Variants in AZIN2 observed in about 807,000 individuals in gnomAD.
The protein encoded by AZIN2 is ODC antizyme inhibitor-2.
A neutral mutation model predicts 47.8 loss-of-function variants in AZIN2; 28 were observed. The observed-to-expected ratio is 0.59, with a 90% confidence interval of 0.43 to 0.80. The LOEUF is 0.80. Ranked by LOEUF, AZIN2 falls within the 30% of genes least tolerant of loss-of-function variation. AZIN2 has a pLI of 0.00. For missense variants in AZIN2, 535 were observed against 582.5 expected, an observed-to-expected ratio of 0.92 and a Z score of 0.84; for synonymous variants, 221 against 239.4, an observed-to-expected ratio of 0.92 and a Z score of 0.71.
downstream of AZIN2, among the ~76,000 whole-genome samples, chr1:33,126,599 A>G (rs867316207): frequency 1.3e-4 from 20 of 152,124 alleles, no homozygotes; most frequent in African/African-American, 4.8e-4. Context: ...ATCCTGCACT[A>G]GGAAGACCAT....
At chr1:33,141,366 T>A in the AZIN2 span, among the ~76,000 whole-genome samples, 3 of 152,188 alleles carry the variant, frequency 2.0e-5, no homozygotes, top group Non-Finnish European at 4.4e-5. Flanking sequence ...CCCTCCCCTA[T>A]GTGCTGACTG....
the AZIN2 span, chr1:33,163,382 G>A: frequency 6.6e-6 from 1 of 151,836 alleles, no homozygotes; most frequent in Non-Finnish European, 1.5e-5. Flanking sequence ...ACTACTTATT[G>A]TGTGCCAGAC....
the AZIN2 span, chr1:33,147,055 T>G: frequency 9.6e-7 from 1 of 1,036,846 alleles, no homozygotes; most frequent in Admixed American, 2.5e-5. This position sits in a 1 kb window ranked among gnomAD's most constrained non-coding sequence, Gnocchi z 8.1. Flanking sequence ...GGCTGGAGGG[T>G]AAACAACTGG....
chr1:33,147,927 A>G, the AZIN2 span, among the ~76,000 whole-genome samples: 1 of 152,170 alleles, frequency 6.6e-6, no homozygotes, highest in Non-Finnish European at 1.5e-5. The surrounding 1 kb of genome is among the most constrained non-coding windows in gnomAD (Gnocchi z 8.1). Context: ...AGGTCCTTCC[A>G]GATATTGTCT....
the AZIN2 span, chr1:33,165,259 G>A: frequency 1.7e-5 from 8 of 480,298 alleles, no homozygotes; most frequent in African/African-American, 8.0e-5. This position sits in a 1 kb window ranked among gnomAD's most constrained non-coding sequence, Gnocchi z 4.0. Context: ...CATCCTTGCC[G>A]CCAGTCATGA....
Position 33,096,791 on chromosome 1 carries a change from T to C in AZIN2, c.838T>C (p.Tyr280His). ...CATCTTTGCTGAGCTGGGGCGCTAC[T>C]ACGTGACCTCGGCCTTCACTGTGGC... ...VDIFAELGRY[Y>H]VTSAFTVAVS... is the part of the protein sequence containing the mutation. The change falls in exon 9 of 12, where the codon TAC becomes CAC. Residue 280 changes from tyrosine (Y) to histidine (H), a missense_variant. Transcript: ENST00000294517. 1 of 1,614,242 alleles carries C rather than the reference T, an allele frequency of 6.2e-7. No homozygotes were observed. Among genetic ancestry groups the C allele is most frequent in the Non-Finnish European group, 8.5e-7 (1 of 1,180,042 alleles).
chr1:33,141,513 C>T, the AZIN2 span, among the ~76,000 whole-genome samples: 2 of 150,398 alleles, frequency 1.3e-5, no homozygotes, highest in Non-Finnish European at 2.9e-5. Flanking sequence ...TCGATCACAT[C>T]TAGTCTCACA....
chr1:33,117,398 G>A (rs200407760), intron 10 of AZIN2, among the ~76,000 whole-genome samples: 1 of 152,160 alleles, frequency 6.6e-6, no homozygotes, highest in Non-Finnish European at 1.5e-5. Context: ...TTTGAGGGTC[G>A]GGGAAGGGCT....
intron 4 of AZIN2, chr1:33,082,659 T>C (rs1055865018): frequency 3.8e-6 from 1 of 264,636 alleles, no homozygotes; most frequent in Non-Finnish European, 7.3e-6. Context: ...CCTCCTTAAA[T>C]AAGCCTCCAG....
At chr1:33,161,125 T>C in the AZIN2 span, among the ~76,000 whole-genome samples, 1 of 152,194 alleles carries the variant, frequency 6.6e-6, no homozygotes, top group Non-Finnish European at 1.5e-5. This position sits in a 1 kb window ranked among gnomAD's most constrained non-coding sequence, Gnocchi z 4.3. Flanking sequence ...GTGGTGAAGA[T>C]GAAATGAGGG....
intron 10 of AZIN2, among the ~76,000 whole-genome samples, chr1:33,101,199 CTT>C (rs1461791903): frequency 6.6e-6 from 1 of 151,886 alleles, no homozygotes; most frequent in Non-Finnish European, 1.5e-5. Context: ...TCCCCATACT[CTT>C]TTCTTCTTTT....
At chr1:33,143,005 T>A in the AZIN2 span, 3 of 152,270 alleles carry the variant, frequency 2.0e-5, no homozygotes, top group African/African-American at 7.2e-5. Flanking sequence ...ATGGGGTTAC[T>A]GCCATTCTAT....
intron 10 of AZIN2, 45 bp from the exon 11 acceptor site, chr1:33,117,857 T>C (rs1177361148): frequency 6.2e-7 from 1 of 1,607,636 alleles, no homozygotes; most frequent in Non-Finnish European, 8.5e-7. Flanking sequence ...GGCAAGGCTG[T>C]TGTATGCCCA....
intron 10 of AZIN2, among the ~76,000 whole-genome samples, chr1:33,104,556 A>G (rs1048980653): frequency 4.0e-5 from 6 of 151,884 alleles, no homozygotes; most frequent in African/African-American, 1.2e-4. Flanking sequence ...ATATATATAT[A>G]TAGTCTTATA....
At chr1:33,152,976 C>A in the AZIN2 span, among the ~76,000 whole-genome samples, 1 of 133,540 alleles carries the variant, frequency 7.5e-6, no homozygotes, top group African/African-American at 2.8e-5. Flanking sequence ...GGATTTAGAC[C>A]AGGTAGGTAA....
rs552348862 is a variant in AZIN2 at position 33,113,322 on chromosome 1, A to G, written c.1030-4580A>G. On this transcript the variant is annotated intron_variant, in intron 10 of 11. Coordinates refer to ENST00000294517, the MANE Select transcript of AZIN2 (RefSeq NM_052998.4). The surrounding 1 kb of genome is among the most constrained non-coding windows in gnomAD (Gnocchi z 4.1). Reference sequence around the variant, plus strand: ...GAATAAGTATTACTGTGGCCCAAGTACATCCAAGAATGTAATAGCTTAATG... The same window carrying G: ...GAATAAGTATTACTGTGGCCCAAGTGCATCCAAGAATGTAATAGCTTAATG... Among the ~76,000 whole-genome samples the G allele has an allele frequency of 1.3e-5, 2 of 152,326 alleles. No homozygotes were observed. The highest frequency in any genetic ancestry group is 2.9e-5 in the Non-Finnish European group (2 of 68,038).
Position 33,093,268 on chromosome 1 carries a change from G to A in AZIN2, c.453-14G>A. 6.2e-7 allele frequency: 1 copy of A among 1,613,682 alleles called. No homozygotes were observed. Among genetic ancestry groups the A allele is most frequent in the African/African-American group, 1.3e-5 (1 of 74,996 alleles). ...AGGGTTTGTCCAGCAGAGGGGCACTGCGTGTCTCATCAGGATGGTTCTGTG... is the reference window on the plus strand; with the variant it reads ...AGGGTTTGTCCAGCAGAGGGGCACTACGTGTCTCATCAGGATGGTTCTGTG... On this transcript the variant is annotated splice_polypyrimidine_tract_variant and intron_variant, in intron 6 of 11. Transcript: ENST00000294517.
intron 6 of AZIN2, 42 bp downstream of exon 6, chr1:33,092,264 G>A (rs1205909031): frequency 6.5e-7 from 1 of 1,536,350 alleles, no homozygotes; most frequent in South Asian, 1.1e-5. Context: ...GCTGTGGGGA[G>A]CCTGGGCTGT....
chr1:33,108,299 A>G (rs1181866581), intron 10 of AZIN2, among the ~76,000 whole-genome samples: 1 of 152,038 alleles, frequency 6.6e-6, no homozygotes, highest in African/African-American at 2.4e-5. Context: ...ATTGGATGCT[A>G]TCTCACACCA....
Sources: allele counts gnomAD v4.1 joint callset (sites outside exome capture counted in the v4.1 genomes callset), GRCh38; gene constraint gnomAD v4.1.1; non-coding constraint Gnocchi (gnomAD v3.1); transcripts MANE v1.5; gene names NCBI Gene and HGNC (gene_info 2026-07-23, HGNC 2026-07-21).